PRKN: variants seen among roughly 807,000 people sequenced by gnomAD.
The protein encoded by PRKN is parkin RBR E3 ubiquitin protein ligase.
Under a neutral mutation model 59.5 loss-of-function variants are expected in PRKN, and 56 were observed. The ratio of observed to expected loss-of-function variants is 0.94; its 90% CI spans 0.76 to 1.18. The LOEUF (loss-of-function observed/expected upper bound fraction) is 1.18. PRKN is among the 50% of genes most tolerant of loss of function. The pLI is 0.00. For synonymous variants in PRKN, 250 were observed against 222.1 expected, an observed-to-expected ratio of 1.13 and a Z score of -1.12; for missense variants, 657 against 596.4, an observed-to-expected ratio of 1.10 and a Z score of -1.06.
intron 2 of PRKN, among the ~76,000 whole-genome samples, chr6:162,313,251 T>C (rs1782603879): frequency 6.6e-6 from 1 of 152,088 alleles, no homozygotes; most frequent in East Asian, 1.9e-4. Context: ...ATTAAAGCAT[T>C]ACACAATAAC....
At chr6:162,679,073 C>CATTTATTT (rs1262601885) in intron 1 of PRKN, among the ~76,000 whole-genome samples, 6 of 54,594 alleles carry the variant, frequency 1.1e-4, no homozygotes, top group Admixed American at 6.2e-4. Context: ...CTGTGCCTGG[C>CATTTATTT]CTTTATTTAT....
At chr6:161,802,807 A>C (rs1470826949) in intron 6 of PRKN, among the ~76,000 whole-genome samples, 1 of 152,008 alleles carries the variant, frequency 6.6e-6, no homozygotes, top group East Asian at 1.9e-4. Context: ...CATTGACCTG[A>C]CTTTGTCTTT....
At chr6:162,319,644 A>G (rs1169929233) in intron 2 of PRKN, among the ~76,000 whole-genome samples, 1 of 152,062 alleles carries the variant, frequency 6.6e-6, no homozygotes, top group African/African-American at 2.4e-5. Context: ...AAAATACATT[A>G]TTTCAAATGA....
At chr6:162,349,206 G>A (rs142030588) in intron 2 of PRKN, among the ~76,000 whole-genome samples, 102 of 150,968 alleles carry the variant, frequency 6.8e-4, no homozygotes, top group African/African-American at 2.1e-3. Flanking sequence ...GGTGGCTCAC[G>A]CCTGTAATCC....
intron 5 of PRKN, among the ~76,000 whole-genome samples, chr6:162,017,521 T>A (rs1367127125): frequency 6.6e-6 from 1 of 152,168 alleles, no homozygotes; most frequent in Non-Finnish European, 1.5e-5. Context: ...ATCACCACAT[T>A]CAATGTAACA....
chr6:162,185,343 T>C (rs547269455), intron 4 of PRKN, among the ~76,000 whole-genome samples: 2 of 152,284 alleles, frequency 1.3e-5, no homozygotes, highest in South Asian at 4.1e-4. Flanking sequence ...TTTGTGCCAA[T>C]TCACTCTCCT....
chr6:162,044,165 T>C lies in PRKN; in HGVS notation c.618+9926A>G, dbSNP rs977261602. ...CCTTCAAGATTCTCTTTTACTCTTT[T>C]TGTTCCTTATGCCATCACTCCACCA... On this transcript the variant is annotated intron_variant, in intron 5 of 11. Transcript: ENST00000366898. Among the ~76,000 whole-genome samples, 4 of 152,356 alleles carry C rather than the reference T, an allele frequency of 2.6e-5. No homozygotes were observed. In the East Asian group the frequency reaches 7.7e-4, roughly 29 times the overall value.
At chr6:161,694,264 G>T (rs1251283270) in intron 7 of PRKN, among the ~76,000 whole-genome samples, 1 of 151,820 alleles carries the variant, frequency 6.6e-6, no homozygotes, top group Non-Finnish European at 1.5e-5. Context: ...TTTTGACCAT[G>T]GACTATGATG....
intron 1 of PRKN, among the ~76,000 whole-genome samples, chr6:162,506,513 G>C (rs1793615342): frequency 6.6e-6 from 1 of 152,148 alleles, no homozygotes; most frequent in African/African-American, 2.4e-5. Context: ...AAGATTAAAT[G>C]TGCGATATGG....
intron 3 of PRKN, among the ~76,000 whole-genome samples, chr6:162,260,086 T>C (rs1483607527): frequency 2.0e-5 from 3 of 152,174 alleles, no homozygotes; most frequent in African/African-American, 4.8e-5. Context: ...TAGCAGCATG[T>C]AGGGTGCCAG....
intron 5 of PRKN, among the ~76,000 whole-genome samples, chr6:162,052,035 T>C (rs1582958608): frequency 6.6e-6 from 1 of 152,216 alleles, no homozygotes; most frequent in South Asian, 2.1e-4. Context: ...GACTGTGTTA[T>C]TAGATGAGAT....
Position 161,372,025 on chromosome 6 carries a change from C to T in PRKN, c.1168-11820G>A, listed in dbSNP as rs986514830. Among the ~76,000 whole-genome samples, 1 of 152,210 alleles carries T rather than the reference C, an allele frequency of 6.6e-6. No individual in the cohort carries two copies. The highest frequency in any genetic ancestry group is 1.5e-5 in the Non-Finnish European group (1 of 68,042). ...GCCAAGTGCCACAGACGAGATCTTA[C>T]AGAGTCTTGCCCCATGGGGCCCTAA... On this transcript the variant is annotated intron_variant, in intron 10 of 11. Transcript: ENST00000366898. The surrounding 1 kb of genome is among the most constrained non-coding windows in gnomAD (Gnocchi z 4.2).
At chr6:162,214,458 C>T (rs757703950) in intron 3 of PRKN, among the ~76,000 whole-genome samples, 6 of 152,062 alleles carry the variant, frequency 3.9e-5, no homozygotes, top group Non-Finnish European at 8.8e-5. Flanking sequence ...AAAGGTGGTT[C>T]CTGAAACTAA....
At chr6:162,255,717 T>C (rs1779614699) in intron 3 of PRKN, among the ~76,000 whole-genome samples, 1 of 152,234 alleles carries the variant, frequency 6.6e-6, no homozygotes, top group Non-Finnish European at 1.5e-5. Context: ...AGCATTTGCA[T>C]GGCAGACACA....
rs1562383605 is a variant in PRKN, at chr6:161,347,606, C to CCTTTTTGTTTTTTTTTTTTTTT, written c.*2492_*2493insAAAAAAAAAAAAAAACAAAAAG. The CCTTTTTGTTTTTTTTTTTTTTT allele has an allele frequency of 7.4e-6, 1 of 134,762 alleles. No individual in the cohort carries two copies. Among genetic ancestry groups the CCTTTTTGTTTTTTTTTTTTTTT allele is most frequent in the Non-Finnish European group, 1.6e-5 (1 of 62,992 alleles). The allele number at this position is 134,762 out of a possible 1,614,324, so 8.3% of individuals were successfully genotyped here. On this transcript the variant is annotated 3_prime_UTR_variant, in exon 12 of 12. Coordinates refer to ENST00000366898, the MANE Select transcript of PRKN (RefSeq NM_004562.3). The stretch of plus-strand genomic sequence containing the variant: ...TGTTCATGTGTAGTGGATGATCTTG[C>CCTTTTTGTTTTTTTTTTTTTTT]TTTTTTGTTTTTGTTTTTTTTTTTT...
intron 1 of PRKN, among the ~76,000 whole-genome samples, chr6:162,639,865 G>C (rs1005528885): frequency 1.3e-5 from 2 of 152,110 alleles, no homozygotes; most frequent in Admixed American, 6.6e-5. Flanking sequence ...TGAAAATCTA[G>C]AGCCTTATAG....
chr6:162,277,500 A>G (rs1780684455), intron 2 of PRKN, among the ~76,000 whole-genome samples: 1 of 152,210 alleles, frequency 6.6e-6, no homozygotes, highest in African/African-American at 2.4e-5. Context: ...AAATAAAGAT[A>G]CATGATAACT....
At chr6:162,517,494 G>A (rs1387356359) in intron 1 of PRKN, among the ~76,000 whole-genome samples, 1 of 151,656 alleles carries the variant, frequency 6.6e-6, no homozygotes, top group Non-Finnish European at 1.5e-5. Context: ...CTGACCTTGT[G>A]ATCTGCCCAC....
intron 7 of PRKN, among the ~76,000 whole-genome samples, chr6:161,573,586 G>A (rs1384545538): frequency 2.0e-5 from 3 of 149,986 alleles, no homozygotes; most frequent in African/African-American, 7.3e-5. Flanking sequence ...CTGGCGTGGT[G>A]GCGGGCGCCT....
Sources: gnomAD v4.1 joint callset for allele counts (sites outside exome capture counted in the v4.1 genomes callset) on GRCh38, gnomAD v4.1.1 for gene constraint, Gnocchi (gnomAD v3.1) non-coding constraint, MANE v1.5 for transcripts, NCBI Gene and HGNC (gene_info 2026-07-23, HGNC 2026-07-21) for gene names.